Variants in CDIN1 observed in about 807,000 individuals in gnomAD.
The protein encoded by CDIN1 is CDAN1 interacting nuclease 1.
In CDIN1, 33 loss-of-function variants were observed where a neutral mutation model predicts 45.3. The ratio of observed to expected loss-of-function variants is 0.73; its 90% confidence interval spans 0.55 to 0.97. The LOEUF (loss-of-function observed/expected upper bound fraction) is 0.97. Among genes scored for constraint, CDIN1 ranks in the 50% least tolerant of loss-of-function variants. The probability of loss-of-function intolerance (pLI) is 0.00; values close to 1 mark genes in which losing one functional copy is unlikely to be tolerated. For synonymous variants in CDIN1, 118 were observed against 124.4 expected (o/e 0.95, Z 0.34); for missense variants, 303 against 339.4 (o/e 0.89, Z 0.84).
chr15:36,643,424 A>G (rs2040189581), intron 1 of CDIN1, among the ~76,000 whole-genome samples: 1 of 152,240 alleles, frequency 6.6e-6, no homozygotes, highest in East Asian at 1.9e-4. Flanking sequence ...CGAATTATCT[A>G]AAATGTAATC....
rs1180668849 is a variant in CDIN1, at chr15:36,662,774, G to C, written c.346+4869G>C. Among the ~76,000 whole-genome samples, 2 of 151,096 alleles carry C rather than the reference G, an allele frequency of 1.3e-5. 1 individual carries two copies. The highest frequency in any genetic ancestry group is 2.9e-5 in the Non-Finnish European group (2 of 67,906). Reference sequence around the variant, plus strand: ...TCATCAAAGAACTCATAGTTTAGTGGAATGTATCATGTGTGTACGTAACAC... The same window carrying C: ...TCATCAAAGAACTCATAGTTTAGTGCAATGTATCATGTGTGTACGTAACAC... On this transcript the variant is annotated intron_variant, in intron 5 of 10. Transcript: ENST00000566621.
At chr15:36,640,601 T>G (rs985470534) in intron 1 of CDIN1, 1 of 984,966 alleles carries the variant, frequency 1.0e-6, no homozygotes, top group Non-Finnish European at 1.2e-6. Flanking sequence ...GTGGTCTTTT[T>G]CAGAGATTGC....
At chr15:36,803,374 G>A (rs531555831) in intron 10 of CDIN1, among the ~76,000 whole-genome samples, 67 of 151,856 alleles carry the variant, frequency 4.4e-4, no homozygotes, top group Admixed American at 2.0e-3. Flanking sequence ...TGGCAGTCCC[G>A]CGAACCTAGG....
rs568350410 is a variant in CDIN1 at position 36,786,705 on chromosome 15, G to C, written c.717-21619G>C. 2.0e-5 allele frequency among the ~76,000 whole-genome samples: 3 copies of C among 152,218 alleles called. No individual in the cohort carries two copies. In the South Asian group the frequency reaches 6.2e-4, roughly 32 times the overall value. The stretch of plus-strand genomic sequence containing the variant: ...TGTTCTTTTCTTCATGATCAATCTT[G>C]AAAGAGTCATCTGCATTCAGGGTCC... On this transcript the variant is annotated intron_variant, in intron 10 of 10. Coordinates refer to ENST00000566621, the MANE Select transcript of CDIN1 (RefSeq NM_001321759.2).
chr15:36,580,344 AC>A (rs1197902409), intron 1 of CDIN1, among the ~76,000 whole-genome samples: 3 of 152,080 alleles, frequency 2.0e-5, no homozygotes, highest in African/African-American at 7.2e-5. Flanking sequence ...CAAATGGAGG[AC>A]CCTTTTCAAT....
intron 10 of CDIN1, among the ~76,000 whole-genome samples, chr15:36,777,072 GA>G (rs1300616027): frequency 6.6e-6 from 1 of 151,840 alleles, no homozygotes; most frequent in East Asian, 1.9e-4. Flanking sequence ...ATTTACTGGG[GA>G]AAAAAATACT....
intron 1 of CDIN1, chr15:36,617,265 G>C: frequency 1.0e-6 from 1 of 1,002,052 alleles, no homozygotes; most frequent in South Asian, 1.3e-5. Context: ...TTAATGCAGA[G>C]CTCTCAGAAG....
intron 6 of CDIN1, 62 bp from the exon 7 acceptor site, chr15:36,692,064 T>C: frequency 1.3e-6 from 2 of 1,496,772 alleles, no homozygotes; most frequent in Non-Finnish European, 1.8e-6. Context: ...TTTAGGATAT[T>C]GTTTACTGTA....
chr15:36,767,308 T>C (rs746121694), intron 10 of CDIN1, among the ~76,000 whole-genome samples: 4 of 152,182 alleles, frequency 2.6e-5, no homozygotes, highest in Non-Finnish European at 4.4e-5. Flanking sequence ...CTATGTAATG[T>C]AGATGTATTT....
intron 1 of CDIN1, among the ~76,000 whole-genome samples, chr15:36,621,746 G>C (rs899860045): frequency 1.3e-5 from 2 of 152,074 alleles, no homozygotes; most frequent in African/African-American, 2.4e-5. Context: ...AATTTATTTT[G>C]TTGGCCTCCC....
At chr15:36,702,408 T>C (rs976795915) in intron 8 of CDIN1, among the ~76,000 whole-genome samples, 3 of 152,162 alleles carry the variant, frequency 2.0e-5, no homozygotes, top group African/African-American at 7.2e-5. Flanking sequence ...GATGAAATGC[T>C]TTCTGGATGT....
intron 5 of CDIN1, among the ~76,000 whole-genome samples, chr15:36,667,729 G>T (rs188862730): frequency 2.9e-4 from 44 of 152,218 alleles, no homozygotes; most frequent in African/African-American, 1.1e-3. Flanking sequence ...TTTTTCTTTT[G>T]TGCTTCACCT....
At chr15:36,629,510 G>A (rs1488617178) in intron 1 of CDIN1, among the ~76,000 whole-genome samples, 1 of 152,150 alleles carries the variant, frequency 6.6e-6, no homozygotes, top group East Asian at 1.9e-4. Flanking sequence ...TCTCGCTCAT[G>A]GTAATAATAT....
At chr15:36,611,541 G>A (rs886337412) in intron 1 of CDIN1, among the ~76,000 whole-genome samples, 11 of 152,164 alleles carry the variant, frequency 7.2e-5, no homozygotes, top group African/African-American at 1.7e-4. Flanking sequence ...TTGGTTGAGT[G>A]AATCTAGGTA....
chr15:36,775,185 A>G (rs2054187524), intron 10 of CDIN1, among the ~76,000 whole-genome samples: 1 of 152,240 alleles, frequency 6.6e-6, no homozygotes, highest in African/African-American at 2.4e-5. Context: ...AAGAAATACA[A>G]TGAAATTAAA....
intron 5 of CDIN1, among the ~76,000 whole-genome samples, chr15:36,664,938 A>G (rs1040459017): frequency 1.3e-5 from 2 of 152,192 alleles, no homozygotes; most frequent in Non-Finnish European, 2.9e-5. Context: ...AACATGAGGA[A>G]AGTTTTAGTT....
At chr15:36,589,041 A>C (rs1804959802) in intron 1 of CDIN1, among the ~76,000 whole-genome samples, 1 of 152,190 alleles carries the variant, frequency 6.6e-6, no homozygotes, top group African/African-American at 2.4e-5. Flanking sequence ...CCCTTACCAG[A>C]ATGATTGCTT....
intron 1 of CDIN1, among the ~76,000 whole-genome samples, chr15:36,611,682 T>A (rs988457744): frequency 2.0e-5 from 3 of 152,260 alleles, no homozygotes. Flanking sequence ...ATCGAATACT[T>A]TATTCCTAAA....
intron 10 of CDIN1, among the ~76,000 whole-genome samples, chr15:36,727,051 C>A (rs1467798016): frequency 2.0e-5 from 3 of 151,882 alleles, no homozygotes; most frequent in African/African-American, 4.8e-5. Flanking sequence ...AGTAAAATTT[C>A]TTTCATTGTG....
Sources: allele counts gnomAD v4.1 joint callset (sites outside exome capture counted in the v4.1 genomes callset), GRCh38; gene constraint gnomAD v4.1.1; transcripts MANE v1.5; gene names NCBI Gene and HGNC (gene_info 2026-07-23, HGNC 2026-07-21).